The following THBS1 variants were observed in gnomAD, a reference collection of about 807,000 sequenced individuals.
The protein encoded by THBS1 is thrombospondin-1.
THBS1 carries 29 observed loss-of-function variants against 126.1 expected under a neutral mutation model. The ratio of observed to expected loss-of-function variants is 0.23; its 90% CI spans 0.17 to 0.31. The LOEUF is 0.31. Among genes scored for constraint, THBS1 ranks in the 10% least tolerant of loss-of-function variants. The pLI is 1.00. For synonymous variants in THBS1, 496 were observed against 577.8 expected (o/e 0.86, Z 2.03); for missense variants, 1,198 against 1,545.2 (o/e 0.78, Z 3.77).
intron 15 of THBS1, 24 bp downstream of exon 15, chr15:39,591,374 G>A (rs773931489): frequency 6.2e-7 from 1 of 1,603,460 alleles, no homozygotes; most frequent in South Asian, 1.1e-5. Context: ...TGATCAGAGG[G>A]CCCGCGGGAG....
At position 39,594,277 on chromosome 15, in the gene THBS1, A is replaced by G; in HGVS notation, c.3366-24A>G. ...AAAAGTATTAAATAGCATTGTCACT[A>G]AACAAGATTTTTTTTCCCTGCAGAG... is the stretch of plus-strand genomic sequence containing the variant. On this transcript the variant is annotated intron_variant, in intron 20 of 21. Transcript: ENST00000260356. This position sits in a 1 kb window ranked among gnomAD's most constrained non-coding sequence, Gnocchi z 4.4. 1 of 1,613,998 alleles carries G rather than the reference A, an allele frequency of 6.2e-7. No homozygotes were observed. The highest frequency in any genetic ancestry group is 2.2e-5 in the East Asian group (1 of 44,888).
chr15:39,588,209 G>C lies in THBS1; in HGVS notation c.1462G>C (p.Ala488Pro). 1 of 1,613,366 alleles carries C rather than the reference G, an allele frequency of 6.2e-7. No individual in the cohort carries two copies. Among genetic ancestry groups the C allele is most frequent in the Non-Finnish European group, 8.5e-7 (1 of 1,179,922 alleles). ...GGAGACCAAAGCCTGCAAGAAAGAC[G>C]CCTGCCCCAGTAAGTGTGAGGTCCG... ...ARETKACKKDACPINGGWGPW... is the reference protein window; with the variant it reads ...ARETKACKKDPCPINGGWGPW... Residue 488 changes from alanine (A) to proline (P), a missense_variant, in exon 9 of 22, where the codon GCC becomes CCC. Coordinates refer to ENST00000260356, the MANE Select transcript of THBS1 (RefSeq NM_003246.4).
In THBS1 at chr15:39,592,546, TC is replaced by T. The variant is rs756006515; in HGVS notation, c.2533-20del. On this transcript the variant is annotated intron_variant, in intron 16 of 21. Transcript: ENST00000260356. The surrounding 1 kb of genome is among the most constrained non-coding windows in gnomAD (Gnocchi z 4.3). ...GAATGGTTTATACTGCAATTTACCC[TC>T]CATTTACATCTCTCTTTCAGCTGGA... is the stretch of plus-strand genomic sequence containing the variant. 3.2e-6 allele frequency: 5 copies of T among 1,584,420 alleles called. No individual in the cohort carries two copies. In the Admixed American group the frequency reaches 8.7e-5, roughly 28 times the overall value.
Position 39,594,438 on chromosome 15 carries a change from G to A in THBS1, c.3503G>A (p.Arg1168Lys), listed in dbSNP as rs137880457. ...VFFSDLKYEC[R>K]DP Reference sequence around the variant, plus strand: ...TTCTCTGACCTGAAATACGAATGTAGAGGTAAGAGCAACATCACCATGAAT... The same window carrying A: ...TTCTCTGACCTGAAATACGAATGTAAAGGTAAGAGCAACATCACCATGAAT... Residue 1168 changes from arginine (R) to lysine (K), a missense_variant and splice_region_variant, in exon 21 of 22, where the codon AGA becomes AAA. Arg to Lys is a conservative substitution (Grantham distance 26). Transcript: ENST00000260356. The surrounding 1 kb of genome is among the most constrained non-coding windows in gnomAD (Gnocchi z 4.4). The A allele has an allele frequency of 1.4e-5, 22 of 1,613,822 alleles. No homozygotes were observed. Among genetic ancestry groups the A allele is most frequent in the Non-Finnish European group, 1.9e-5 (22 of 1,179,918 alleles).
Position 39,591,630 on chromosome 15 carries a change from G to A in THBS1, c.2532+7G>A. ...GGAACACAATCCGGATCAGGTAGGT[G>A]GATGGACTCCTTTCAGAGTCTTTCA... On this transcript the variant is annotated splice_region_variant and intron_variant, in intron 16 of 21. Coordinates refer to ENST00000260356, the MANE Select transcript of THBS1 (RefSeq NM_003246.4). 1 of 1,609,294 alleles carries A rather than the reference G, an allele frequency of 6.2e-7. No homozygotes were observed. Among genetic ancestry groups the A allele is most frequent in the Non-Finnish European group, 8.5e-7 (1 of 1,175,604 alleles).
At chr15:39,582,074 T>C in intron 2 of THBS1, 119 bp from the exon 3 acceptor site, 1 of 1,332,074 alleles carries the variant, frequency 7.5e-7, no homozygotes, top group Non-Finnish European at 1.0e-6. Context: ...TTTATTCACC[T>C]CTTTCAGTGG....
Position 39,593,068 on chromosome 15 carries a change from T to C in THBS1, c.2836T>C (p.Cys946Arg). Residue 946 changes from cysteine to arginine, a missense_variant, in exon 18 of 22, where the codon TGT becomes CGT. By Grantham distance (180) the Cys-to-Arg change is radical (BLOSUM62 -3). This residue lies in a region of THBS1 where 255 missense variants were observed against 373.9 expected (regional missense o/e 0.68). Coordinates refer to ENST00000260356, the MANE Select transcript of THBS1 (RefSeq NM_003246.4). This position sits in a 1 kb window ranked among gnomAD's most constrained non-coding sequence, Gnocchi z 5.9. Reference sequence around the variant, plus strand: ...CAGTGTGCCAGACATCGATGACATCTGTCCTGAGAATGTTGACATCAGTGA... The same window carrying C: ...CAGTGTGCCAGACATCGATGACATCCGTCCTGAGAATGTTGACATCAGTGA... ...HDSVPDIDDICPENVDISETD... is the reference protein window; with the variant it reads ...HDSVPDIDDIRPENVDISETD... 6.2e-7 allele frequency: 1 copy of C among 1,605,372 alleles called. No homozygotes were observed. The highest frequency in any genetic ancestry group is 8.5e-7 in the Non-Finnish European group (1 of 1,176,100).
rs1352606630 is a variant in THBS1, at chr15:39,584,187, G to A, written c.903G>A (p.Val301=). The A allele has an allele frequency of 1.2e-6, 2 of 1,613,930 alleles. No homozygotes were observed. The highest frequency in any genetic ancestry group is 1.3e-5 in the African/African-American group (1 of 74,936). The part of the protein sequence containing the change: ...VTTLQDSIRK[V]TEENKELANE... The stretch of plus-strand genomic sequence containing the variant: ...CGCTGCAGGACAGCATCCGCAAAGT[G>A]GTCAGTGGCCTCTGCACCCAGCCCG... Residue 301 remains valine, a splice_region_variant and synonymous_variant, in exon 5 of 22, where the codon GTG becomes GTA. Transcript: ENST00000260356.
chr15:39,591,950 T>C (rs184644435), intron 16 of THBS1, among the ~76,000 whole-genome samples: 157 of 152,290 alleles, frequency 1.0e-3, no homozygotes, highest in Non-Finnish European at 1.1e-3. Context: ...TACAATAATA[T>C]TAATCATATG....
intron 9 of THBS1, 78 bp downstream of exon 9, chr15:39,588,296 A>C: frequency 6.6e-7 from 1 of 1,522,456 alleles, no homozygotes; most frequent in Non-Finnish European, 8.8e-7. Flanking sequence ...TGCAGCCTGC[A>C]GTTCAGTGGG....
chr15:39,582,543 G>T lies in THBS1; in HGVS notation c.418G>T (p.Val140Leu). 1 of 1,614,180 alleles carries T rather than the reference G, an allele frequency of 6.2e-7. No individual in the cohort carries two copies. The highest frequency in any genetic ancestry group is 8.5e-7 in the Non-Finnish European group (1 of 1,180,032). ...LSLTVQGKQHVVSVEEALLAT... is the reference protein window; with the variant it reads ...LSLTVQGKQHLVSVEEALLAT... ...CCTGACCGTCCAAGGAAAGCAGCAC[G>T]TGGTGTCTGTGGAAGAAGCTCTCCT... Residue 140 changes from valine to leucine, a missense_variant, in exon 3 of 22, where the codon GTG (valine) becomes TTG (leucine). Physicochemically the swap from Val to Leu is conservative, Grantham distance 32 (BLOSUM62 1). Coordinates refer to ENST00000260356, the MANE Select transcript of THBS1 (RefSeq NM_003246.4).
chr15:39,591,207 A>C lies in THBS1; in HGVS notation c.2270A>C (p.His757Pro), dbSNP rs1330471579. The change falls in exon 15 of 22, where the codon CAT becomes CCT. Residue 757 changes from histidine (H) to proline (P), a missense_variant. This residue lies in a region of THBS1 where 663 missense variants were observed against 860.1 expected (regional missense o/e 0.77). Transcript: ENST00000260356. ...IPDDRDNCPF[H>P]YNPAQYDYDR... ...TCTTTGCAGGACAACTGTCCATTCC[A>C]TTACAACCCAGCTCAGTATGACTAT... The C allele has an allele frequency of 6.2e-7, 1 of 1,613,882 alleles. No homozygotes were observed. The highest frequency in any genetic ancestry group is 1.3e-5 in the African/African-American group (1 of 74,916).
At position 39,585,540 on chromosome 15, in the gene THBS1, G is replaced by A. The variant is rs1418274167; in HGVS notation, c.1097G>A (p.Gly366Glu). Residue 366 changes from glycine to glutamate, a missense_variant, in exon 7 of 22, where the codon GGA (glycine) becomes GAA (glutamate). Physicochemically the swap from Gly to Glu is moderately conservative, Grantham distance 98. Transcript: ENST00000260356. ...TGCTCCAATGCCACAGTTCCTGATGGAGAATGCTGTCCTCGCTGTTGGCGT... is the reference window on the plus strand; with the variant it reads ...TGCTCCAATGCCACAGTTCCTGATGAAGAATGCTGTCCTCGCTGTTGGCGT... Reference protein sequence around the residue: ...MPCSNATVPDGECCPRCWPSD... With the variant: ...MPCSNATVPDEECCPRCWPSD... The A allele has an allele frequency of 2.5e-6, 4 of 1,613,996 alleles. No individual in the cohort carries two copies. The highest frequency in any genetic ancestry group is 1.7e-5 in the Admixed American group (1 of 60,008).
chr15:39,591,747 T>C, intron 16 of THBS1, 124 bp downstream of exon 16: 6 of 860,634 alleles, frequency 7.0e-6, no homozygotes, highest in Middle Eastern at 2.3e-4. Context: ...TGGCTTCTCA[T>C]AGCCAACTGG....
At chr15:39,586,068 T>C (rs932816109) in intron 7 of THBS1, among the ~76,000 whole-genome samples, 4 of 152,316 alleles carry the variant, frequency 2.6e-5, no homozygotes, top group Admixed American at 2.6e-4. Flanking sequence ...CACGATATCG[T>C]TCCATGGCAC....
Position 39,594,150 on chromosome 15 carries a change from G to T in THBS1, c.3319G>T (p.Ala1107Ser). Reference protein sequence around the residue: ...PRHIGWKDFTAYRWRLSHRPK... With the variant: ...PRHIGWKDFTSYRWRLSHRPK... ...TCACATAGGCTGGAAAGATTTCACC[G>T]CCTACAGATGGCGTCTCAGCCACAG... Residue 1107 changes from alanine (A) to serine (S), a missense_variant, in exon 20 of 22, where the codon GCC (alanine) becomes TCC (serine). Transcript: ENST00000260356. The surrounding 1 kb of genome is among the most constrained non-coding windows in gnomAD (Gnocchi z 4.4). The T allele has an allele frequency of 6.2e-7, 1 of 1,614,140 alleles. No homozygotes were observed. The highest frequency in any genetic ancestry group is 8.5e-7 in the Non-Finnish European group (1 of 1,179,996).
At position 39,582,758 on chromosome 15, in the gene THBS1, G is replaced by A. The variant is rs1440897083; in HGVS notation, c.627+6G>A. On this transcript the variant is annotated splice_donor_region_variant and intron_variant, in intron 3 of 21. Coordinates refer to ENST00000260356, the MANE Select transcript of THBS1 (RefSeq NM_003246.4). ...GCGTCAATGACAATTTCCAGGTGAG[G>A]CTTCTTCTCTGAGCCCTGCTCCGTG... 2 of 1,599,750 alleles carry A rather than the reference G, an allele frequency of 1.3e-6. No individual in the cohort carries two copies. The highest frequency in any genetic ancestry group is 1.7e-5 in the Admixed American group (1 of 59,446).
At position 39,585,517 on chromosome 15, in the gene THBS1, C is replaced by T. The variant is rs758531976; in HGVS notation, c.1074C>T (p.Cys358=). ...AGGTGTCCTGCCCCATCATGCCCTG[C>T]TCCAATGCCACAGTTCCTGATGGAG... ...CKKVSCPIMP[C]SNATVPDGEC... Residue 358 remains cysteine (C), a synonymous_variant, in exon 7 of 22, where the codon TGC becomes TGT. Transcript: ENST00000260356. 4 of 1,614,178 alleles carry T rather than the reference C, an allele frequency of 2.5e-6. No homozygotes were observed. The East Asian group carries it at 8.9e-5, about 36-fold the overall frequency.
Position 39,595,345 on chromosome 15 carries a change from ATTTG to A in THBS1, c.3506-13_3506-10del, listed in dbSNP as rs777191613. Reference sequence around the variant, plus strand: ...AGTTTTCATTTGTATATTTATTTATATTTGTTTATTTAACAGATCCCTAATCATC... The same window carrying A: ...AGTTTTCATTTGTATATTTATTTATATTTATTTAACAGATCCCTAATCATC... On this transcript the variant is annotated splice_polypyrimidine_tract_variant and intron_variant, in intron 21 of 21. Transcript: ENST00000260356. 4.2e-6 allele frequency: 6 copies of A among 1,415,466 alleles called. No homozygotes were observed. The South Asian group carries it at 6.9e-5, about 16-fold the overall frequency. 87.7% of individuals were successfully genotyped at this position (1,415,466 alleles called of 1,614,324 possible).
Sources: allele counts gnomAD v4.1 joint callset (sites outside exome capture counted in the v4.1 genomes callset), GRCh38; gene constraint gnomAD v4.1.1; regional missense constraint gnomAD v4.1.1; non-coding constraint Gnocchi (gnomAD v3.1); transcripts MANE v1.5; gene names NCBI Gene and HGNC (gene_info 2026-07-23, HGNC 2026-07-21).